The following VWA5B1 variants were observed in gnomAD, a reference collection of about 807,000 sequenced individuals.
VWA5B1 encodes von Willebrand factor A domain containing 5B1.
A neutral mutation model predicts 118.2 loss-of-function variants in VWA5B1; 115 were observed. The observed-to-expected ratio is 0.97, with a 90% confidence interval of 0.84 to 1.14. The LOEUF is 1.14. Among genes scored for constraint, VWA5B1 ranks in the 50% most tolerant of loss-of-function variants. VWA5B1 has a pLI of 0.00. For missense variants in VWA5B1, 1,596 were observed against 1,603.8 expected (o/e 1.00, Z 0.08); for synonymous variants, 682 against 658.4 (o/e 1.04, Z -0.55).
chr1:20,314,652 G>A, intron 4 of VWA5B1, 60 bp downstream of exon 4: 1 of 1,526,870 alleles, frequency 6.5e-7, no homozygotes, highest in Non-Finnish European at 8.8e-7. Flanking sequence ...AGTGCGTCAG[G>A]TGACATTAGT....
intron 1 of VWA5B1, among the ~76,000 whole-genome samples, chr1:20,309,545 G>T (rs12749098): frequency 0.27 from 41,134 of 152,106 alleles, 5,976 homozygotes; most frequent in East Asian, 0.4. Context: ...GACCCGCAGG[G>T]TGTGTTTGGG....
intron 18 of VWA5B1, among the ~76,000 whole-genome samples, chr1:20,349,738 T>C (rs1245870738): frequency 6.6e-6 from 1 of 150,564 alleles, no homozygotes; most frequent in Non-Finnish European, 1.5e-5. Flanking sequence ...TGACTTTTTT[T>C]TTTTTTTTTT....
chr1:20,323,593 C>T, intron 8 of VWA5B1, 61 bp downstream of exon 8: 2 of 1,296,598 alleles, frequency 1.5e-6, no homozygotes, highest in Non-Finnish European at 2.0e-6. Context: ...AGCTGTGTGC[C>T]CCCAATCCAG....
chr1:20,291,459 T>A (rs2088303444), intron 1 of VWA5B1, among the ~76,000 whole-genome samples: 1 of 122,292 alleles, frequency 8.2e-6, no homozygotes, highest in Admixed American at 8.7e-5. Flanking sequence ...TTGCTTTCTG[T>A]GTCTGTTTCT....
rs937046201 is a variant in VWA5B1 at position 20,319,399 on chromosome 1, G to A, written c.859G>A (p.Val287Ile). 5.8e-6 allele frequency: 9 copies of A among 1,551,774 alleles called. No homozygotes were observed. Among genetic ancestry groups the A allele is most frequent in the Non-Finnish European group, 7.0e-6 (8 of 1,147,004 alleles). Residue 287 changes from valine (V) to isoleucine (I), a missense_variant, in exon 7 of 22, where the codon GTC becomes ATC. Transcript: ENST00000289815. ...IHPSEPHMPHVLIEKGDMTLG... is the reference protein window; with the variant it reads ...IHPSEPHMPHILIEKGDMTLG... ...CTCTGCAGAGCCCCATATGCCCCAT[G>A]TCCTGATAGAGAAAGGGGACATGAC...
In VWA5B1 at chr1:20,354,334, G is replaced by A; in HGVS notation, c.*71G>A. On this transcript the variant is annotated 3_prime_UTR_variant, in exon 22 of 22. Coordinates refer to ENST00000289815, the MANE Select transcript of VWA5B1 (RefSeq NM_001039500.3). ...GGATGGGCAGGGCCATGTCGGCCTG[G>A]TTTCGGGGAGCTTTTGGAGCTGTAA... 1 of 1,464,132 alleles carries A rather than the reference G, an allele frequency of 6.8e-7. No individual in the cohort carries two copies. Among genetic ancestry groups the A allele is most frequent in the Non-Finnish European group, 9.1e-7 (1 of 1,101,268 alleles). 90.7% of individuals were successfully genotyped at this position (1,464,132 alleles called of 1,614,324 possible).
chr1:20,308,052 C>G (rs753817249), intron 1 of VWA5B1, among the ~76,000 whole-genome samples: 2 of 152,042 alleles, frequency 1.3e-5, no homozygotes, highest in African/African-American at 4.8e-5. Context: ...CCAGTAGTCC[C>G]GAGTGTCTAT....
At chr1:20,302,728 A>G (rs981082385) in intron 1 of VWA5B1, among the ~76,000 whole-genome samples, 2 of 152,160 alleles carry the variant, frequency 1.3e-5, no homozygotes. Flanking sequence ...ATCTTAGGCA[A>G]TGCAGGACCC....
intron 20 of VWA5B1, among the ~76,000 whole-genome samples, chr1:20,351,754 G>A (rs1258287647): frequency 1.3e-5 from 2 of 152,200 alleles, no homozygotes; most frequent in African/African-American, 2.4e-5. Flanking sequence ...TGAGGCTGCA[G>A]TAAGCTACGA....
chr1:20,347,011 C>T (rs889861764), intron 17 of VWA5B1, among the ~76,000 whole-genome samples: 6 of 152,140 alleles, frequency 3.9e-5, no homozygotes, highest in Non-Finnish European at 8.8e-5. Flanking sequence ...CTGTCTATGA[C>T]CAGCCTGCTA....
In VWA5B1 at chr1:20,354,391, A is replaced by T; in HGVS notation, c.*128A>T. The T allele has an allele frequency of 4.0e-6, 5 of 1,242,338 alleles. No individual in the cohort carries two copies. In the South Asian group the frequency reaches 7.9e-5, roughly 20 times the overall value. The allele number at this position is 1,242,338 out of a possible 1,614,324, so 77.0% of individuals were successfully genotyped here. A position where few individuals can be genotyped will look rare whatever the true frequency, so the allele number is the denominator to read the frequency against. ...TTTCAGTTACTAGAAAGAGCCCTGG[A>T]CTGGCAGCCAGGAGGCCTGAGTTCA... On this transcript the variant is annotated 3_prime_UTR_variant, in exon 22 of 22. Transcript: ENST00000289815.
At chr1:20,350,380 T>G in intron 19 of VWA5B1, 150 bp downstream of exon 19, 1 of 901,060 alleles carries the variant, frequency 1.1e-6, no homozygotes, top group Non-Finnish European at 1.7e-6. Flanking sequence ...TTATCCCCAA[T>G]TGAAAGATGA....
At chr1:20,311,690 G>A (rs1557835892) in intron 2 of VWA5B1, among the ~76,000 whole-genome samples, 1 of 152,120 alleles carries the variant, frequency 6.6e-6, no homozygotes, top group Non-Finnish European at 1.5e-5. Flanking sequence ...GCAGTGATGG[G>A]GCCTCATAAC....
chr1:20,328,783 C>G (rs2089461477), intron 9 of VWA5B1, among the ~76,000 whole-genome samples: 1 of 152,134 alleles, frequency 6.6e-6, no homozygotes, highest in African/African-American at 2.4e-5. Flanking sequence ...ATGTATTGAT[C>G]ATTCCACAAT....
At position 20,323,398 on chromosome 1, in the gene VWA5B1, C is replaced by T. The variant is rs1309474127; in HGVS notation, c.1009C>T (p.His337Tyr). ...ACGCCTCCACAAAGACATTCCCCAC[C>T]ACTCCGTCATCATGCTCAACTTCTG... ...RKRLHKDIPH[H>Y]SVIMLNFCPD... Residue 337 changes from histidine to tyrosine, a missense_variant, in exon 8 of 22, where the codon CAC (histidine) becomes TAC (tyrosine). Coordinates refer to ENST00000289815, the MANE Select transcript of VWA5B1 (RefSeq NM_001039500.3). The T allele has an allele frequency of 2.0e-6, 3 of 1,525,582 alleles. No individual in the cohort carries two copies. The South Asian group carries it at 3.8e-5, about 19-fold the overall frequency. The allele number at this position is 1,525,582 out of a possible 1,614,324, so 94.5% of individuals were successfully genotyped here. A position where few individuals can be genotyped will look rare whatever the true frequency, so the allele number is the denominator to read the frequency against.
At position 20,358,086 on chromosome 1, in the gene VWA5B1, C is replaced by G. The variant is rs2090260730; in HGVS notation, c.*3823C>G. ...TTACACTGGACTTGTCCATAAGCGG[C>G]CTCGGTTTCCAGCCGGCACCCATGT... On this transcript the variant is annotated 3_prime_UTR_variant, in exon 22 of 22. Coordinates refer to ENST00000289815, the MANE Select transcript of VWA5B1 (RefSeq NM_001039500.3). 6.6e-6 allele frequency among the ~76,000 whole-genome samples: 1 copy of G among 152,164 alleles called. No homozygotes were observed. The highest frequency in any genetic ancestry group is 2.4e-5 in the African/African-American group (1 of 41,418).
chr1:20,345,322 C>T, intron 16 of VWA5B1, 134 bp from the exon 17 acceptor site: 7 of 1,154,238 alleles, frequency 6.1e-6, no homozygotes, highest in East Asian at 2.8e-5. Flanking sequence ...GTTGGCAAGC[C>T]CTTGATTTTA....
chr1:20,310,759 G>A lies in VWA5B1; in HGVS notation c.139+19G>A. The A allele has an allele frequency of 6.6e-7, 1 of 1,526,464 alleles. No individual in the cohort carries two copies. Among genetic ancestry groups the A allele is most frequent in the Non-Finnish European group, 8.8e-7 (1 of 1,136,880 alleles). 94.6% of individuals were successfully genotyped at this position (1,526,464 alleles called of 1,614,324 possible). ...TTCCAGGGTAAGGACACCTGCTGGG[G>A]CCTCCCCGGGACCACCCCCTCCTCC... On this transcript the variant is annotated intron_variant, in intron 2 of 21. Transcript: ENST00000289815.
chr1:20,325,352 C>A (rs1210554033), intron 8 of VWA5B1, among the ~76,000 whole-genome samples: 1 of 152,216 alleles, frequency 6.6e-6, no homozygotes, highest in Admixed American at 6.5e-5. Flanking sequence ...ATTTTCAACT[C>A]TGGGATTCAT....
Sources: gnomAD v4.1 joint callset for allele counts (sites outside exome capture counted in the v4.1 genomes callset) on GRCh38, gnomAD v4.1.1 for gene constraint, MANE v1.5 for transcripts, NCBI Gene and HGNC (gene_info 2026-07-23, HGNC 2026-07-21) for gene names.